RIBC2: variants seen among roughly 807,000 people sequenced by gnomAD.
RIBC2 encodes RIB43A domain with coiled-coils 2.
A neutral mutation model predicts 44.3 loss-of-function variants in RIBC2; 40 were observed. The ratio of observed to expected loss-of-function variants is 0.90; its 90% confidence interval spans 0.70 to 1.18. The LOEUF (loss-of-function observed/expected upper bound fraction) is 1.18. Among genes scored for constraint, RIBC2 ranks in the 50% most tolerant of loss-of-function variants. RIBC2 has a pLI of 0.00. For synonymous variants in RIBC2, 171 were observed against 175.0 expected, an observed-to-expected ratio of 0.98 and a Z score of 0.18; for missense variants, 459 against 485.5, an observed-to-expected ratio of 0.95 and a Z score of 0.51.
intron 2 of RIBC2, 59 bp downstream of exon 2, chr22:45,414,462 T>G: frequency 8.3e-7 from 1 of 1,197,660 alleles, no homozygotes; most frequent in Non-Finnish European, 1.2e-6. Context: ...TAGACTCCAG[T>G]CTTCCCCACC....
intron 1 of RIBC2, 76 bp from the exon 2 acceptor site, chr22:45,414,243 AAAT>A (rs2087394705): frequency 2.0e-6 from 3 of 1,509,466 alleles, no homozygotes; most frequent in Middle Eastern, 1.7e-4. Flanking sequence ...CAGAGATTAA[AAAT>A]AATAATAAGT....
intron 3 of RIBC2, chr22:45,418,236 C>T (rs1035714558): frequency 1.7e-5 from 4 of 240,726 alleles, no homozygotes; most frequent in Admixed American, 1.5e-4. Context: ...TGGATGCCGG[C>T]GTGCAGAGGT....
chr22:45,414,498 TTA>T, intron 2 of RIBC2, 95 bp downstream of exon 2: 8 of 773,416 alleles, frequency 1.0e-5, no homozygotes, highest in East Asian at 9.0e-5. Context: ...CTTTTTTTTT[TTA>T]TTTTTTATTT....
chr22:45,414,270 C>G, intron 1 of RIBC2, 52 bp from the exon 2 acceptor site: 1 of 1,519,148 alleles, frequency 6.6e-7, no homozygotes, highest in Non-Finnish European at 8.8e-7. Flanking sequence ...ATTGTTATTA[C>G]TGAATAAAAT....
intron 3 of RIBC2, 169 bp downstream of exon 3, chr22:45,418,115 G>T: frequency 3.7e-6 from 2 of 534,696 alleles, no homozygotes; most frequent in Non-Finnish European, 6.5e-6. Context: ...ACAGCCACAT[G>T]CTACTTTGGC....
At chr22:45,418,006 G>GTTT in intron 3 of RIBC2, 60 bp downstream of exon 3, 120 of 597,432 alleles carry the variant, frequency 2.0e-4, no homozygotes, top group Admixed American at 3.1e-4. Context: ...CAACCCTACA[G>GTTT]TTTTTTTTTT....
At position 45,422,428 on chromosome 22, in the gene RIBC2, T is replaced by C. The variant is rs749545169; in HGVS notation, c.675+20T>C. On this transcript the variant is annotated intron_variant, in intron 4 of 6. Coordinates refer to ENST00000614167, the MANE Select transcript of RIBC2 (RefSeq NM_015653.5). ...AGCCAGGTATAGGTACTCCGCGACCTCGGGCTCGACGACTGGAGGGGAGGA... is the reference window on the plus strand; with the variant it reads ...AGCCAGGTATAGGTACTCCGCGACCCCGGGCTCGACGACTGGAGGGGAGGA... 2.6e-5 allele frequency: 40 copies of C among 1,568,532 alleles called. No individual in the cohort carries two copies. Among genetic ancestry groups the C allele is most frequent in the Non-Finnish European group, 3.5e-5 (40 of 1,138,690 alleles).
In RIBC2 at chr22:45,422,341, T is replaced by TCCAGAAGCTGGAAAGCACCA; in HGVS notation, c.615_634dup (p.Lys212SerfsTer14). ...CAGTTTGACGAGACAGCCAAGCACCTCCAGAAGCTGGAAAGCACCACCAGA... is the reference window on the plus strand; with the variant it reads ...CAGTTTGACGAGACAGCCAAGCACCTCCAGAAGCTGGAAAGCACCACCAGAAGCTGGAAAGCACCACCAGA... On this transcript the variant is annotated frameshift_variant, in exon 4 of 7. Transcript: ENST00000614167. LOFTEE classifies it high-confidence loss of function. The TCCAGAAGCTGGAAAGCACCA allele has an allele frequency of 1.2e-6, 2 of 1,614,060 alleles. No individual in the cohort carries two copies. The highest frequency in any genetic ancestry group is 1.7e-6 in the Non-Finnish European group (2 of 1,180,000).
intron 3 of RIBC2, among the ~76,000 whole-genome samples, chr22:45,420,452 G>C (rs2087467308): frequency 6.6e-6 from 1 of 151,992 alleles, no homozygotes; most frequent in Non-Finnish European, 1.5e-5. Flanking sequence ...CTGACGTGTT[G>C]TATGGTTCAT....
intron 2 of RIBC2, among the ~76,000 whole-genome samples, chr22:45,415,795 G>A (rs1025100729): frequency 6.6e-6 from 1 of 152,168 alleles, no homozygotes; most frequent in Admixed American, 6.5e-5. Flanking sequence ...CGCCTCCTGG[G>A]TTCAAGCAAT....
rs777704917 is a variant in RIBC2, at chr22:45,417,632, T to C, written c.242T>C (p.Met81Thr). The C allele has an allele frequency of 5.6e-6, 9 of 1,613,270 alleles. No homozygotes were observed. The African/African-American group carries it at 8.0e-5, about 14-fold the overall frequency. The change falls in exon 3 of 7, where the codon ATG (methionine) becomes ACG (threonine). Residue 81 changes from methionine (M) to threonine (T), a missense_variant. Coordinates refer to ENST00000614167, the MANE Select transcript of RIBC2 (RefSeq NM_015653.5). ...AAEMRQNDKI[M>T]CILENRKKRD... is the part of the protein sequence containing the mutation. ...GAAATGAGGCAAAATGACAAAATCA[T>C]GTGCATATTGGAAAACCGGAAAAAG...
rs543036232 is a variant in RIBC2 at position 45,417,961 on chromosome 22, G to A, written c.556+15G>A. 6.9e-7 allele frequency: 1 copy of A among 1,457,124 alleles called. No homozygotes were observed. Among genetic ancestry groups the A allele is most frequent in the South Asian group, 1.2e-5 (1 of 80,522 alleles). The allele number at this position is 1,457,124 out of a possible 1,614,324, so 90.3% of individuals were successfully genotyped here. A position where few individuals can be genotyped will look rare whatever the true frequency, so the allele number is the denominator to read the frequency against. On this transcript the variant is annotated intron_variant, in intron 3 of 6. Transcript: ENST00000614167. Reference sequence around the variant, plus strand: ...AAAATGCGCAGGTAATGAAACAGAAGAGACGAGCTGGTCTCAACGCTCTCT... The same window carrying A: ...AAAATGCGCAGGTAATGAAACAGAAAAGACGAGCTGGTCTCAACGCTCTCT...
chr22:45,427,219 C>G (rs1283146397), intron 5 of RIBC2, among the ~76,000 whole-genome samples: 1 of 152,160 alleles, frequency 6.6e-6, no homozygotes, highest in African/African-American at 2.4e-5. Context: ...GAAAACAGTC[C>G]AGGGCTGGTA....
chr22:45,415,199 GAAA>G (rs10587079), intron 2 of RIBC2, among the ~76,000 whole-genome samples: 38 of 126,810 alleles, frequency 3.0e-4, no homozygotes, highest in African/African-American at 6.5e-4. Context: ...AAAATAAATT[GAAA>G]AAAAAAAAAA....
At chr22:45,428,596 G>A (rs969860333) in intron 5 of RIBC2, among the ~76,000 whole-genome samples, 2 of 152,150 alleles carry the variant, frequency 1.3e-5, no homozygotes, top group African/African-American at 2.4e-5. Context: ...GGGAGCTTGC[G>A]GGTGAACAGA....
At chr22:45,426,886 G>A (rs1468340363) in intron 5 of RIBC2, among the ~76,000 whole-genome samples, 2 of 152,084 alleles carry the variant, frequency 1.3e-5, no homozygotes, top group Non-Finnish European at 2.9e-5. Flanking sequence ...TGTTTTGAAG[G>A]TAGAGTCGAC....
intron 2 of RIBC2, among the ~76,000 whole-genome samples, chr22:45,417,180 T>C (rs1569207084): frequency 1.3e-5 from 2 of 152,212 alleles, no homozygotes; most frequent in South Asian, 4.1e-4. Context: ...GGATTACAGG[T>C]GTGAGCCACC....
At position 45,422,323 on chromosome 22, in the gene RIBC2, A is replaced by G; in HGVS notation, c.590A>G (p.Asp197Gly). ...ALYTETRLQF[D>G]ETAKHLQKLE... ...TACACAGAGACAAGGCTGCAGTTTG[A>G]CGAGACAGCCAAGCACCTCCAGAAG... The change falls in exon 4 of 7, where the codon GAC (aspartate) becomes GGC (glycine). Residue 197 changes from aspartate to glycine, a missense_variant. Coordinates refer to ENST00000614167, the MANE Select transcript of RIBC2 (RefSeq NM_015653.5). 6.2e-7 allele frequency: 1 copy of G among 1,614,156 alleles called. No individual in the cohort carries two copies. The highest frequency in any genetic ancestry group is 8.5e-7 in the Non-Finnish European group (1 of 1,180,002).
intron 4 of RIBC2, among the ~76,000 whole-genome samples, chr22:45,423,888 T>A (rs1175703079): frequency 3.3e-5 from 5 of 152,206 alleles, no homozygotes; most frequent in African/African-American, 1.2e-4. Context: ...CCTTGACAAT[T>A]AGTCCACTGT....
Sources: allele counts gnomAD v4.1 joint callset (sites outside exome capture counted in the v4.1 genomes callset), GRCh38; gene constraint gnomAD v4.1.1; transcripts MANE v1.5; gene names NCBI Gene and HGNC (gene_info 2026-07-23, HGNC 2026-07-21).